The following ADAMTS2 variants were observed in gnomAD, a reference collection of about 807,000 sequenced individuals.
ADAMTS2 encodes the protein A disintegrin and metalloproteinase with thrombospondin motifs 2.
ADAMTS2 carries 50 observed loss-of-function variants against 123.0 expected under a neutral mutation model. That is an observed-to-expected ratio of 0.41 (90% CI 0.32 to 0.51). ADAMTS2 has a LOEUF of 0.51. Ranked by LOEUF, ADAMTS2 falls within the 20% of genes least tolerant of loss-of-function variation. ADAMTS2 has a pLI of 0.35. For missense variants in ADAMTS2, 1,494 were observed against 1,705.2 expected (o/e 0.88, Z 2.18); for synonymous variants, 678 against 695.4 (o/e 0.98, Z 0.39).
At chr5:179,251,789 CTG>C (rs1765932196) in intron 3 of ADAMTS2, among the ~76,000 whole-genome samples, 1 of 152,032 alleles carries the variant, frequency 6.6e-6, no homozygotes, top group African/African-American at 2.4e-5. Context: ...AGAGGAGGTG[CTG>C]TGTGCAGAAG....
At chr5:179,147,322 C>T (rs1763268407) in intron 10 of ADAMTS2, among the ~76,000 whole-genome samples, 1 of 152,180 alleles carries the variant, frequency 6.6e-6, no homozygotes, top group Non-Finnish European at 1.5e-5. Context: ...CTCCTGATCT[C>T]AAGTAATCCG....
At chr5:179,334,028 C>A (rs1757546310) in intron 2 of ADAMTS2, among the ~76,000 whole-genome samples, 1 of 152,200 alleles carries the variant, frequency 6.6e-6, no homozygotes, top group Non-Finnish European at 1.5e-5. Context: ...GAGCAGCGGG[C>A]AAAGTCCGCT....
intron 2 of ADAMTS2, among the ~76,000 whole-genome samples, chr5:179,279,059 C>T (rs1450049011): frequency 1.3e-5 from 2 of 152,038 alleles, no homozygotes; most frequent in Non-Finnish European, 2.9e-5. Context: ...GCAGAGCACC[C>T]AGGCTGGCTG....
chr5:179,122,405 C>T (rs1285884669), intron 20 of ADAMTS2, among the ~76,000 whole-genome samples: 1 of 152,200 alleles, frequency 6.6e-6, no homozygotes, highest in Non-Finnish European at 1.5e-5. Flanking sequence ...CCTGCTGTCA[C>T]CGTGAGTCTG....
At chr5:179,339,409 T>C (rs1561769565) in intron 2 of ADAMTS2, among the ~76,000 whole-genome samples, 1 of 152,212 alleles carries the variant, frequency 6.6e-6, no homozygotes, top group South Asian at 2.1e-4. Context: ...ATGGATAGCA[T>C]GCTCTGAGCC....
rs370580 is a variant in ADAMTS2 at position 179,301,895 on chromosome 5, C to T, written c.535-28831G>A. On this transcript the variant is annotated intron_variant, in intron 2 of 21. Transcript: ENST00000251582. ...GGCGTGCGGGATGCCCCGCTCACAG[C>T]GTGCTGTGCCCGGGAGAGGAGCGAG... 3.6e-3 allele frequency among the ~76,000 whole-genome samples: 556 copies of T among 152,348 alleles called. 3 individuals are homozygous for T. Among genetic ancestry groups the T allele is most frequent in the Non-Finnish European group, 4.3e-3 (291 of 68,034 alleles).
chr5:179,321,465 C>T (rs985227567), intron 2 of ADAMTS2, among the ~76,000 whole-genome samples: 14 of 152,138 alleles, frequency 9.2e-5, no homozygotes, highest in Non-Finnish European at 1.9e-4. Flanking sequence ...GCCTGATGCC[C>T]CCTGCCATCC....
At chr5:179,139,088 C>T (rs1478058061) in intron 11 of ADAMTS2, among the ~76,000 whole-genome samples, 1 of 152,242 alleles carries the variant, frequency 6.6e-6, no homozygotes, top group Non-Finnish European at 1.5e-5. Context: ...CTCTGTGTGT[C>T]TAAGCAGCTG....
intron 5 of ADAMTS2, among the ~76,000 whole-genome samples, chr5:179,179,432 T>C (rs1763999625): frequency 6.6e-6 from 1 of 152,206 alleles, no homozygotes; most frequent in Admixed American, 6.5e-5. Context: ...TTTTAAGTGT[T>C]CTATGATTCC....
At chr5:179,338,163 C>G (rs1258320552) in intron 2 of ADAMTS2, among the ~76,000 whole-genome samples, 1 of 152,198 alleles carries the variant, frequency 6.6e-6, no homozygotes, top group Non-Finnish European at 1.5e-5. Context: ...TTGCTGGGCT[C>G]CGGCTGAGAC....
At chr5:179,134,592 T>C (rs577828984) in intron 13 of ADAMTS2, among the ~76,000 whole-genome samples, 1 of 152,308 alleles carries the variant, frequency 6.6e-6, no homozygotes, top group East Asian at 1.9e-4. Flanking sequence ...ATCCCAAGGG[T>C]ACAGAGCAGA....
At chr5:179,281,912 C>T (rs1264359646) in intron 2 of ADAMTS2, among the ~76,000 whole-genome samples, 1 of 152,184 alleles carries the variant, frequency 6.6e-6, no homozygotes. Context: ...TGATGCTAAG[C>T]ATCTTTTCAT....
At chr5:179,275,001 CG>C (rs1561670983) in intron 2 of ADAMTS2, among the ~76,000 whole-genome samples, 1 of 152,078 alleles carries the variant, frequency 6.6e-6, no homozygotes, top group African/African-American at 2.4e-5. Flanking sequence ...ATGCCATGGC[CG>C]GGGAGGTGGA....
chr5:179,286,254 G>C (rs1008115941), intron 2 of ADAMTS2, among the ~76,000 whole-genome samples: 1 of 146,156 alleles, frequency 6.8e-6, no homozygotes, highest in Admixed American at 6.8e-5. Context: ...CTGTCGACAG[G>C]CCCTCCCCTG....
intron 10 of ADAMTS2, 144 bp from the exon 11 acceptor site, chr5:179,140,179 G>T: frequency 8.1e-7 from 1 of 1,239,862 alleles, no homozygotes; most frequent in Non-Finnish European, 1.2e-6. Flanking sequence ...GCCCCTAGAT[G>T]CTCAGAGCCC....
Position 179,317,112 on chromosome 5 carries a change from C to A in ADAMTS2, c.534+26655G>T, listed in dbSNP as rs1757021191. Among the ~76,000 whole-genome samples the A allele has an allele frequency of 6.6e-6, 1 of 152,160 alleles. No homozygotes were observed. The highest frequency in any genetic ancestry group is 2.1e-4 in the South Asian group (1 of 4,824). ...AGGAACACAAGGACAAAGCCCAGAG[C>A]CCCAACCCCACGTGGCCTGGGTCCC... On this transcript the variant is annotated intron_variant, in intron 2 of 21. Coordinates refer to ENST00000251582, the MANE Select transcript of ADAMTS2 (RefSeq NM_014244.5). The surrounding 1 kb of genome is among the most constrained non-coding windows in gnomAD (Gnocchi z 4.9).
chr5:179,194,588 AG>A (rs1561798594), intron 4 of ADAMTS2, among the ~76,000 whole-genome samples: 1 of 152,064 alleles, frequency 6.6e-6, no homozygotes, highest in East Asian at 1.9e-4. Context: ...GGAGCATGCT[AG>A]GGGATTTGGG....
At chr5:179,277,314 G>A in intron 2 of ADAMTS2, among the ~76,000 whole-genome samples, 1 of 37,234 alleles carries the variant, frequency 2.7e-5, no homozygotes, top group African/African-American at 8.9e-5. Flanking sequence ...CGAGACCAAA[G>A]GCTGACACCC....
intron 5 of ADAMTS2, among the ~76,000 whole-genome samples, chr5:179,163,547 TCAC>T (rs1763639477): frequency 6.6e-6 from 1 of 152,130 alleles, no homozygotes; most frequent in African/African-American, 2.4e-5. Context: ...ATCCTCCCCG[TCAC>T]CACTTTATTC....
Sources: gnomAD v4.1 joint callset for allele counts (sites outside exome capture counted in the v4.1 genomes callset) on GRCh38, gnomAD v4.1.1 for gene constraint, Gnocchi (gnomAD v3.1) non-coding constraint, MANE v1.5 for transcripts, NCBI Gene and HGNC (gene_info 2026-07-23, HGNC 2026-07-21) for gene names.